LRRC4C: variants seen among roughly 807,000 people sequenced by gnomAD.
The protein encoded by LRRC4C is leucine-rich repeat-containing protein 4C.
LRRC4C carries 5 observed loss-of-function variants against 33.6 expected under a neutral mutation model. The ratio of observed to expected loss-of-function variants is 0.15; its 90% confidence interval spans 0.08 to 0.31. The LOEUF (loss-of-function observed/expected upper bound fraction) is 0.31. Ranked by LOEUF, LRRC4C falls within the 10% of genes least tolerant of loss-of-function variation. The pLI is 1.00. For synonymous variants in LRRC4C, 329 were observed against 302.0 expected (o/e 1.09, Z -0.93); for missense variants, 560 against 796.7 (o/e 0.70, Z 3.58).
chr11:40,261,112 C>T (rs1397074939), intron 4 of LRRC4C, among the ~76,000 whole-genome samples: 1 of 151,984 alleles, frequency 6.6e-6, no homozygotes, highest in Admixed American at 6.6e-5. Flanking sequence ...AACTCCTGAC[C>T]TCAAGTGATC....
chr11:40,592,249 G>A (rs140216008), intron 3 of LRRC4C, among the ~76,000 whole-genome samples: 26 of 152,288 alleles, frequency 1.7e-4, no homozygotes, highest in African/African-American at 6.0e-4. Context: ...TGGAAATGGT[G>A]TTGCAGAGAA....
At chr11:41,212,275 A>G (rs966511954) in intron 1 of LRRC4C, among the ~76,000 whole-genome samples, 25 of 152,266 alleles carry the variant, frequency 1.6e-4, no homozygotes, top group Non-Finnish European at 1.5e-5. Flanking sequence ...AAATGTAAAG[A>G]TAGCTACTGT....
chr11:40,589,024 G>T (rs1958903823), intron 3 of LRRC4C, among the ~76,000 whole-genome samples: 1 of 152,120 alleles, frequency 6.6e-6, no homozygotes, highest in East Asian at 1.9e-4. Context: ...TCAATTGCTG[G>T]GTATCCTTGT....
chr11:40,760,412 C>CAAAA (rs35336371), intron 2 of LRRC4C, among the ~76,000 whole-genome samples: 1 of 136,162 alleles, frequency 7.3e-6, no homozygotes, highest in Admixed American at 7.5e-5. Context: ...GGTCCTTTAC[C>CAAAA]AAAAAAAAAA....
chr11:41,306,893 C>G (rs1174066913), intron 1 of LRRC4C, among the ~76,000 whole-genome samples: 1 of 152,154 alleles, frequency 6.6e-6, no homozygotes, highest in Non-Finnish European at 1.5e-5. Flanking sequence ...AAGACACACA[C>G]AAAGAGATCA....
At chr11:41,272,905 C>G (rs143585047) in intron 1 of LRRC4C, among the ~76,000 whole-genome samples, 1 of 152,038 alleles carries the variant, frequency 6.6e-6, no homozygotes. Context: ...CTGCATGAAG[C>G]AATTAAGAGT....
At chr11:40,830,788 A>T (rs1460489479) in intron 2 of LRRC4C, among the ~76,000 whole-genome samples, 2 of 152,086 alleles carry the variant, frequency 1.3e-5, no homozygotes, top group Non-Finnish European at 1.5e-5. Flanking sequence ...TACATGACTG[A>T]CTTCCCATGG....
chr11:40,367,289 G>A (rs76370403), intron 3 of LRRC4C, among the ~76,000 whole-genome samples: 2,184 of 152,058 alleles, frequency 0.014, 47 homozygotes, highest in African/African-American at 0.049. Context: ...TCTTTCTACT[G>A]ATATAGAACA....
intron 3 of LRRC4C, among the ~76,000 whole-genome samples, chr11:40,602,235 A>G (rs1395333602): frequency 6.6e-6 from 1 of 151,502 alleles, no homozygotes; most frequent in Admixed American, 6.6e-5. Flanking sequence ...TATGTGAACT[A>G]ACTTTCAGGA....
At chr11:41,157,553 A>C (rs748902127) in intron 1 of LRRC4C, among the ~76,000 whole-genome samples, 13 of 152,128 alleles carry the variant, frequency 8.5e-5, no homozygotes, top group Non-Finnish European at 1.3e-4. Flanking sequence ...GAAGTAACCA[A>C]AATTATGTTT....
At chr11:40,417,489 G>A (rs1028269523) in intron 3 of LRRC4C, among the ~76,000 whole-genome samples, 1 of 151,794 alleles carries the variant, frequency 6.6e-6, no homozygotes, top group Admixed American at 6.6e-5. Context: ...CTGCCACCTT[G>A]CCCAGCTAAT....
chr11:40,996,324 T>C (rs1445063385), intron 1 of LRRC4C, among the ~76,000 whole-genome samples: 1 of 152,172 alleles, frequency 6.6e-6, no homozygotes, highest in East Asian at 1.9e-4. Context: ...AGCAGTTCTC[T>C]TTGTGATTCT....
chr11:40,627,268 A>C (rs1371992980), intron 3 of LRRC4C, among the ~76,000 whole-genome samples: 4 of 54,582 alleles, frequency 7.3e-5, no homozygotes, highest in African/African-American at 1.0e-4. Flanking sequence ...AGAGAGAGAG[A>C]GAGAGAGCGA....
rs565468636 is a variant in LRRC4C at position 40,562,111 on chromosome 11, G to A, written c.-270+86031C>T. Reference sequence around the variant, plus strand: ...CTAGAAGTACAATGATTTCCAAACCGTGAAGATTTCAGTCTAAACACTTAA... The same window carrying A: ...CTAGAAGTACAATGATTTCCAAACCATGAAGATTTCAGTCTAAACACTTAA... On this transcript the variant is annotated intron_variant, in intron 3 of 6. Transcript: ENST00000528697. Among the ~76,000 whole-genome samples, 5 of 152,272 alleles carry A rather than the reference G, an allele frequency of 3.3e-5. No individual in the cohort carries two copies. The South Asian group carries it at 6.2e-4, about 19-fold the overall frequency.
intron 1 of LRRC4C, among the ~76,000 whole-genome samples, chr11:41,257,353 C>A (rs1426134675): frequency 6.6e-6 from 1 of 151,822 alleles, no homozygotes; most frequent in Non-Finnish European, 1.5e-5. Flanking sequence ...AAAATGCAGC[C>A]CCACCATCAG....
At chr11:41,371,887 G>A (rs1343715723) in intron 1 of LRRC4C, among the ~76,000 whole-genome samples, 1 of 152,360 alleles carries the variant, frequency 6.6e-6, no homozygotes, top group South Asian at 2.1e-4. Context: ...TGTGATCCCA[G>A]CACTCTGGGA....
intron 3 of LRRC4C, chr11:40,446,796 G>A (rs1269355918): frequency 6.6e-6 from 1 of 152,122 alleles, no homozygotes; most frequent in Non-Finnish European, 1.5e-5. Flanking sequence ...AAAACCATCA[G>A]ATCTTGTGAG....
chr11:40,432,073 A>G (rs1950958146), intron 3 of LRRC4C, among the ~76,000 whole-genome samples: 1 of 152,182 alleles, frequency 6.6e-6, no homozygotes, highest in South Asian at 2.1e-4. Flanking sequence ...AGACAGGTAG[A>G]CAGACCTCTT....
At chr11:41,177,145 G>C (rs562874340) in intron 1 of LRRC4C, among the ~76,000 whole-genome samples, 1 of 152,256 alleles carries the variant, frequency 6.6e-6, no homozygotes, top group South Asian at 2.1e-4. Flanking sequence ...GCAATGCAAG[G>C]TCCTTAAGGA....
Sources: gnomAD v4.1 joint callset for allele counts (sites outside exome capture counted in the v4.1 genomes callset) on GRCh38, gnomAD v4.1.1 for gene constraint, MANE v1.5 for transcripts, NCBI Gene and HGNC (gene_info 2026-07-23, HGNC 2026-07-21) for gene names.